The following AFF3 variants were observed in gnomAD, a reference collection of about 807,000 sequenced individuals.
AFF3 encodes AF4/FMR2 family member 3.
In AFF3, 32 loss-of-function variants were observed where a neutral mutation model predicts 129.7. The observed-to-expected ratio is 0.25, with a 90% CI of 0.19 to 0.33. The LOEUF (loss-of-function observed/expected upper bound fraction) is 0.33, where lower values mean the gene tolerates loss of function less well. Among genes scored for constraint, AFF3 ranks in the 10% least tolerant of loss-of-function variants. The pLI is 1.00. For missense variants in AFF3, 1,373 were observed against 1,592.0 expected (o/e 0.86, Z 2.34); for synonymous variants, 644 against 635.4 (o/e 1.01, Z -0.20).
At chr2:100,119,876 G>A (rs921812108) in intron 2 of AFF3, among the ~76,000 whole-genome samples, 2 of 152,180 alleles carry the variant, frequency 1.3e-5, no homozygotes, top group Admixed American at 1.3e-4. Context: ...GTTTTTGAAG[G>A]AATGTCTAAC....
At chr2:100,130,450 C>T (rs183175736) in intron 1 of AFF3, among the ~76,000 whole-genome samples, 13 of 152,304 alleles carry the variant, frequency 8.5e-5, no homozygotes, top group Non-Finnish European at 1.3e-4. Context: ...GATGCCAATG[C>T]ATTTGTGAGA....
chr2:99,551,689 T>C, intron 24 of AFF3, 94 bp from the exon 25 acceptor site: 10 of 1,479,286 alleles, frequency 6.8e-6, no homozygotes, highest in Non-Finnish European at 7.4e-6. Context: ...TCATGGTCTC[T>C]ATATAAATCA....
intron 11 of AFF3, among the ~76,000 whole-genome samples, chr2:99,721,045 T>C (rs1678845902): frequency 6.6e-6 from 1 of 152,224 alleles, no homozygotes; most frequent in African/African-American, 2.4e-5. Context: ...TTTACCCACA[T>C]ATTTATTATT....
intron 11 of AFF3, among the ~76,000 whole-genome samples, chr2:99,705,996 A>C (rs1677351748): frequency 6.6e-6 from 1 of 152,030 alleles, no homozygotes; most frequent in Non-Finnish European, 1.5e-5. Flanking sequence ...GAAACTTTGC[A>C]AAAATACAGC....
chr2:99,758,900 C>G (rs1558822703), intron 8 of AFF3, among the ~76,000 whole-genome samples: 2 of 152,148 alleles, frequency 1.3e-5, no homozygotes, highest in Non-Finnish European at 2.9e-5. Flanking sequence ...GAATCCTCAC[C>G]CTAGTACTCA....
intron 8 of AFF3, among the ~76,000 whole-genome samples, chr2:99,797,621 C>A (rs943361924): frequency 6.6e-6 from 1 of 151,858 alleles, no homozygotes; most frequent in Non-Finnish European, 1.5e-5. Flanking sequence ...TACAAAAGGA[C>A]AAAGTATAAT....
At chr2:99,584,625 A>G (rs1223726734) in intron 16 of AFF3, among the ~76,000 whole-genome samples, 1 of 152,216 alleles carries the variant, frequency 6.6e-6, no homozygotes, top group African/African-American at 2.4e-5. Flanking sequence ...GGATTCACTT[A>G]TATCTGAGTT....
At chr2:99,856,514 A>G (rs1484905900) in intron 7 of AFF3, among the ~76,000 whole-genome samples, 1 of 152,206 alleles carries the variant, frequency 6.6e-6, no homozygotes, top group African/African-American at 2.4e-5. Context: ...AACAGCAGCA[A>G]AAGTTTTAAA....
At chr2:100,060,221 G>C (rs1687155197) in intron 4 of AFF3, among the ~76,000 whole-genome samples, 2 of 152,166 alleles carry the variant, frequency 1.3e-5, no homozygotes, top group African/African-American at 4.8e-5. Flanking sequence ...AAAATACAGT[G>C]AAAGTCCTGG....
At chr2:99,961,293 G>A (rs1677187173) in intron 7 of AFF3, among the ~76,000 whole-genome samples, 1 of 152,194 alleles carries the variant, frequency 6.6e-6, no homozygotes, top group Non-Finnish European at 1.5e-5. Context: ...CCTCTTTCAT[G>A]TGAAGATCAT....
chr2:99,650,500 A>C (rs1405479196), intron 12 of AFF3, among the ~76,000 whole-genome samples: 3 of 152,222 alleles, frequency 2.0e-5, no homozygotes, highest in Non-Finnish European at 4.4e-5. Flanking sequence ...CAGAGGTTGC[A>C]GTGAGCCAAG....
At chr2:99,924,270 A>G (rs1410412447) in intron 7 of AFF3, among the ~76,000 whole-genome samples, 1 of 152,228 alleles carries the variant, frequency 6.6e-6, no homozygotes, top group East Asian at 1.9e-4. Context: ...TAAAAAACAT[A>G]CACACAAAGA....
intron 11 of AFF3, among the ~76,000 whole-genome samples, chr2:99,684,269 C>A (rs1003585668): frequency 1.3e-5 from 2 of 152,202 alleles, no homozygotes; most frequent in Admixed American, 1.3e-4. Context: ...ATTTTAACAA[C>A]CTTATCCTAC....
chr2:99,938,288 T>C (rs1426368736), intron 7 of AFF3, among the ~76,000 whole-genome samples: 1 of 152,214 alleles, frequency 6.6e-6, no homozygotes, highest in African/African-American at 2.4e-5. Context: ...CTATGGAAAC[T>C]GTGGGCATGT....
intron 2 of AFF3, among the ~76,000 whole-genome samples, chr2:100,110,975 C>T (rs1691492678): frequency 6.6e-6 from 1 of 152,230 alleles, no homozygotes; most frequent in South Asian, 2.1e-4. Flanking sequence ...GACACCACCC[C>T]TTCCTCTAGG....
chr2:99,664,513 G>T (rs1686509689), intron 12 of AFF3, among the ~76,000 whole-genome samples: 3 of 152,216 alleles, frequency 2.0e-5, no homozygotes, highest in Admixed American at 2.0e-4. Flanking sequence ...TTTCCATGGA[G>T]ATCGGATAAA....
At position 100,044,217 on chromosome 2, in the gene AFF3, C is replaced by A. The variant is rs144993025; in HGVS notation, c.54-35285G>T. On this transcript the variant is annotated intron_variant, in intron 4 of 24. Coordinates refer to ENST00000672756, the MANE Select transcript of AFF3 (RefSeq NM_001386135.1). ...CCAGGGGTGCCTGAAAGGCAGGACC[C>A]GCATCCTCCATTCTACCCTCTCAGC... 1.8e-3 allele frequency among the ~76,000 whole-genome samples: 281 copies of A among 152,326 alleles called. 3 individuals are homozygous for A. The highest frequency in any genetic ancestry group is 6.3e-3 in the African/African-American group (263 of 41,574).
intron 2 of AFF3, chr2:100,107,211 C>G: frequency 1.0e-6 from 1 of 985,346 alleles, no homozygotes; most frequent in Non-Finnish European, 1.2e-6. Context: ...TTTTACTAAG[C>G]TGTCATGGAG....
intron 20 of AFF3, among the ~76,000 whole-genome samples, chr2:99,564,975 T>C (rs1230710202): frequency 6.6e-6 from 1 of 152,124 alleles, no homozygotes; most frequent in African/African-American, 2.4e-5. Context: ...TCGAATGCCT[T>C]GACACGTCTG....
Sources: allele counts gnomAD v4.1 joint callset (sites outside exome capture counted in the v4.1 genomes callset), GRCh38; gene constraint gnomAD v4.1.1; transcripts MANE v1.5; gene names NCBI Gene and HGNC (gene_info 2026-07-23, HGNC 2026-07-21).